The following NPAS3 variants were observed in gnomAD, a reference collection of about 807,000 sequenced individuals.
NPAS3 encodes neuronal PAS domain-containing protein 3.
In NPAS3, 14 loss-of-function variants were observed where a neutral mutation model predicts 73.1. The observed-to-expected ratio is 0.19, with a 90% CI of 0.13 to 0.30. NPAS3 has a LOEUF of 0.30. Ranked by LOEUF, NPAS3 falls within the 10% of genes least tolerant of loss-of-function variation. The pLI is 1.00. For missense variants in NPAS3, 1,096 were observed against 1,250.0 expected (o/e 0.88, Z 1.86); for synonymous variants, 620 against 541.5 (o/e 1.14, Z -2.01).
At chr14:33,353,169 A>AT (rs1485225532) in intron 3 of NPAS3, among the ~76,000 whole-genome samples, 2 of 152,124 alleles carry the variant, frequency 1.3e-5, no homozygotes, top group Non-Finnish European at 2.9e-5. Flanking sequence ...AAAAAAAAAA[A>AT]AAATATTGGG....
intron 2 of NPAS3, among the ~76,000 whole-genome samples, chr14:33,093,292 A>T (rs1368928182): frequency 6.6e-6 from 1 of 152,102 alleles, no homozygotes; most frequent in Non-Finnish European, 1.5e-5. Context: ...AAACAACCCT[A>T]TCAAAAAGTG....
At chr14:33,587,402 C>A (rs770963910) in intron 5 of NPAS3, among the ~76,000 whole-genome samples, 1 of 152,194 alleles carries the variant, frequency 6.6e-6, no homozygotes, top group Non-Finnish European at 1.5e-5. Flanking sequence ...AACCAACTGT[C>A]TAGTGCAAGC....
At chr14:33,280,710 T>C (rs117221899) in intron 3 of NPAS3, among the ~76,000 whole-genome samples, 1 of 152,300 alleles carries the variant, frequency 6.6e-6, no homozygotes, top group East Asian at 1.9e-4. Context: ...AAAAAACAGG[T>C]AACTTTTGAG....
intron 3 of NPAS3, among the ~76,000 whole-genome samples, chr14:33,219,454 A>G (rs1400485440): frequency 6.6e-6 from 1 of 152,226 alleles, no homozygotes; most frequent in Non-Finnish European, 1.5e-5. Flanking sequence ...TGTGACAGGT[A>G]ACAATGCTAA....
intron 5 of NPAS3, among the ~76,000 whole-genome samples, chr14:33,590,184 A>G (rs769465986): frequency 3.9e-5 from 6 of 152,216 alleles, no homozygotes; most frequent in African/African-American, 7.2e-5. Context: ...AAAAAGGCAG[A>G]AAAAGATGGT....
At chr14:33,042,873 T>G (rs565261870) in intron 1 of NPAS3, among the ~76,000 whole-genome samples, 1 of 152,208 alleles carries the variant, frequency 6.6e-6, no homozygotes, top group Non-Finnish European at 1.5e-5. Context: ...AATACAAACT[T>G]TTATAGAGAG....
At chr14:33,442,456 A>G (rs1366749123) in intron 4 of NPAS3, among the ~76,000 whole-genome samples, 1 of 152,128 alleles carries the variant, frequency 6.6e-6, no homozygotes, top group African/African-American at 2.4e-5. Flanking sequence ...GCCAGGTGAT[A>G]CGGTTTGGCT....
intron 4 of NPAS3, among the ~76,000 whole-genome samples, chr14:33,480,256 TTCTA>T (rs1381471183): frequency 5.3e-5 from 8 of 152,308 alleles, no homozygotes; most frequent in East Asian, 1.9e-4. Context: ...CTGACAGTTG[TTCTA>T]TCTATTTGCC....
At chr14:33,715,849 A>G (rs184144078) in intron 6 of NPAS3, among the ~76,000 whole-genome samples, 1 of 152,282 alleles carries the variant, frequency 6.6e-6, no homozygotes, top group Admixed American at 6.5e-5. Flanking sequence ...TTCTCATGGT[A>G]GTTGAGTAAG....
chr14:33,204,217 G>A (rs1042767936), intron 2 of NPAS3, among the ~76,000 whole-genome samples: 13 of 152,102 alleles, frequency 8.5e-5, no homozygotes, highest in Non-Finnish European at 1.9e-4. Flanking sequence ...CACTTTAAAC[G>A]TTTCTGTGTG....
At chr14:33,315,098 G>A (rs1269247507) in intron 3 of NPAS3, among the ~76,000 whole-genome samples, 1 of 152,060 alleles carries the variant, frequency 6.6e-6, no homozygotes, top group Non-Finnish European at 1.5e-5. Context: ...TGGGCAGTGA[G>A]CTGATGTGAG....
intron 3 of NPAS3, among the ~76,000 whole-genome samples, chr14:33,234,616 G>T (rs1437287231): frequency 6.6e-6 from 1 of 152,066 alleles, no homozygotes; most frequent in Non-Finnish European, 1.5e-5. Context: ...GAAAACCGTG[G>T]CTGTGTGGTG....
At chr14:32,986,167 A>G (rs1018339142) in intron 1 of NPAS3, among the ~76,000 whole-genome samples, 6 of 151,838 alleles carry the variant, frequency 4.0e-5, no homozygotes, top group African/African-American at 1.5e-4. Context: ...TAAGTTTCTC[A>G]CTCTGATTTG....
intron 5 of NPAS3, among the ~76,000 whole-genome samples, chr14:33,588,757 A>G (rs990125779): frequency 6.6e-6 from 1 of 152,070 alleles, no homozygotes; most frequent in African/African-American, 2.4e-5. Context: ...GGGATTACAG[A>G]TGCCTACCAC....
intron 1 of NPAS3, among the ~76,000 whole-genome samples, chr14:33,018,163 C>T (rs540038925): frequency 5.3e-5 from 8 of 152,136 alleles, no homozygotes; most frequent in South Asian, 4.1e-4. Flanking sequence ...AAGGCACAAA[C>T]GGACTAGCTG....
chr14:33,092,752 T>TA (rs1396625363), intron 2 of NPAS3, among the ~76,000 whole-genome samples: 1 of 152,172 alleles, frequency 6.6e-6, no homozygotes, highest in Non-Finnish European at 1.5e-5. Flanking sequence ...AACAGCATGG[T>TA]ACTGGTACCA....
At chr14:33,309,991 C>T (rs1566783879) in intron 3 of NPAS3, among the ~76,000 whole-genome samples, 1 of 151,982 alleles carries the variant, frequency 6.6e-6, no homozygotes, top group Non-Finnish European at 1.5e-5. Context: ...GTCTTCATAC[C>T]GTTGGTATGA....
At chr14:33,482,054 T>TTTG (rs571255337) in intron 4 of NPAS3, among the ~76,000 whole-genome samples, 2 of 85,990 alleles carry the variant, frequency 2.3e-5, no homozygotes, top group Non-Finnish European at 4.4e-5. Context: ...CAGAAGCAAG[T>TTTG]TTTTTTTTTT....
chr14:33,292,221 G>A (rs573539509), intron 3 of NPAS3, among the ~76,000 whole-genome samples: 55 of 152,184 alleles, frequency 3.6e-4, no homozygotes, highest in East Asian at 2.1e-3. Context: ...CAGGCTACCC[G>A]TTGCACCAAC....
Sources: gnomAD v4.1 joint callset for allele counts (sites outside exome capture counted in the v4.1 genomes callset) on GRCh38, gnomAD v4.1.1 for gene constraint, MANE v1.5 for transcripts, NCBI Gene and HGNC (gene_info 2026-07-23, HGNC 2026-07-21) for gene names.